Variants in ASAP1 observed in about 807,000 individuals in gnomAD.
ASAP1 encodes ArfGAP with SH3 domain, ankyrin repeat and PH domain 1, also known as arf-GAP with SH3 domain, ANK repeat and PH domain-containing protein 1.
ASAP1 carries 43 observed loss-of-function variants against 145.2 expected under a neutral mutation model. The observed-to-expected ratio is 0.30, with a 90% confidence interval of 0.23 to 0.38. ASAP1 has a LOEUF of 0.38. Among genes scored for constraint, ASAP1 ranks in the 10% least tolerant of loss-of-function variants. The pLI is 1.00. For synonymous variants in ASAP1, 546 were observed against 515.5 expected (o/e 1.06, Z -0.80); for missense variants, 1,018 against 1,355.3 (o/e 0.75, Z 3.91).
Position 130,128,022 on chromosome 8 carries a change from G to A in ASAP1, c.1286C>T (p.Ala429Val), listed in dbSNP as rs200661367. ...LTMAFRGEQSAGENSLEDLTK... is the reference protein window; with the variant it reads ...LTMAFRGEQSVGENSLEDLTK... ...CAGGTCTTCCAGGCTGTTCTCTCCC[G>A]CACTCTGCTCTCCACGGAAGGCCAT... Residue 429 changes from alanine (A) to valine (V), a missense_variant, in exon 16 of 30, where the codon GCG (alanine) becomes GTG (valine). Transcript: ENST00000518721. 110 of 1,613,656 alleles carry A rather than the reference G, an allele frequency of 6.8e-5. No homozygotes were observed. In the Middle Eastern group the frequency reaches 1.2e-3, roughly 17 times the overall value.
chr8:130,287,145 G>A (rs1375923053), intron 3 of ASAP1, among the ~76,000 whole-genome samples: 1 of 151,816 alleles, frequency 6.6e-6, no homozygotes, highest in Non-Finnish European at 1.5e-5. Context: ...GAACAAAGCT[G>A]ACTACATATC....
chr8:130,276,748 T>C (rs1403245105), intron 3 of ASAP1, among the ~76,000 whole-genome samples: 1 of 150,678 alleles, frequency 6.6e-6, no homozygotes, highest in African/African-American at 2.5e-5. Context: ...TCTCTCTCTC[T>C]CTCTCTCTCT....
chr8:130,128,319 G>C (rs981989824), intron 15 of ASAP1, among the ~76,000 whole-genome samples: 3 of 152,078 alleles, frequency 2.0e-5, no homozygotes, highest in Non-Finnish European at 4.4e-5. Flanking sequence ...GAAAATGAGA[G>C]AGAGGAGAGG....
At chr8:130,257,727 G>GT (rs1002329934) in intron 3 of ASAP1, among the ~76,000 whole-genome samples, 29 of 149,888 alleles carry the variant, frequency 1.9e-4, no homozygotes, top group African/African-American at 6.9e-4. Flanking sequence ...TTACATTTCT[G>GT]TTTTTTAAAA....
At chr8:130,085,273 G>A (rs1204757455) in intron 25 of ASAP1, among the ~76,000 whole-genome samples, 3 of 152,122 alleles carry the variant, frequency 2.0e-5, no homozygotes, top group South Asian at 2.1e-4. Context: ...GGTCAAATCC[G>A]TGGCCCACTT....
intron 3 of ASAP1, among the ~76,000 whole-genome samples, chr8:130,326,573 A>G (rs980871701): frequency 4.6e-5 from 7 of 152,234 alleles, no homozygotes; most frequent in Non-Finnish European, 8.8e-5. Context: ...CCCCTGAAAA[A>G]AGCTTAAACA....
intron 1 of ASAP1, among the ~76,000 whole-genome samples, chr8:130,418,670 C>T (rs956587275): frequency 1.3e-5 from 2 of 152,050 alleles, no homozygotes; most frequent in South Asian, 2.1e-4. Context: ...AGTCACTCCC[C>T]GTTCCACCCT....
intron 13 of ASAP1, among the ~76,000 whole-genome samples, chr8:130,149,018 T>G (rs1203358913): frequency 6.6e-6 from 1 of 150,524 alleles, no homozygotes; most frequent in Non-Finnish European, 1.5e-5. Flanking sequence ...TGCATTTTTT[T>G]TTTTTTTTTT....
At chr8:130,115,041 T>C (rs1201153804) in intron 23 of ASAP1, among the ~76,000 whole-genome samples, 1 of 152,228 alleles carries the variant, frequency 6.6e-6, no homozygotes, top group African/African-American at 2.4e-5. Context: ...ATTATAGGCA[T>C]GAGCCACCAT....
chr8:130,384,805 G>A (rs1827937326), intron 2 of ASAP1, among the ~76,000 whole-genome samples: 4 of 152,170 alleles, frequency 2.6e-5, no homozygotes, highest in African/African-American at 9.7e-5. Context: ...ACTCCCCATT[G>A]TCCTGTAATT....
intron 6 of ASAP1, among the ~76,000 whole-genome samples, chr8:130,187,643 T>G (rs1814829413): frequency 6.6e-6 from 1 of 152,122 alleles, no homozygotes; most frequent in Non-Finnish European, 1.5e-5. Context: ...GGTCTTGAAC[T>G]CCTGGGCTCA....
chr8:130,375,954 G>A (rs997299771), intron 2 of ASAP1, among the ~76,000 whole-genome samples: 11 of 152,174 alleles, frequency 7.2e-5, no homozygotes, highest in African/African-American at 2.7e-4. Flanking sequence ...GGAGTAGTGG[G>A]GAAGGCGGGG....
intron 24 of ASAP1, among the ~76,000 whole-genome samples, chr8:130,103,513 T>A (rs1168745800): frequency 7.4e-6 from 1 of 135,318 alleles, no homozygotes; most frequent in African/African-American, 2.5e-5. Flanking sequence ...TATTTTTTTA[T>A]TTTTTTTGAG....
intron 3 of ASAP1, among the ~76,000 whole-genome samples, chr8:130,288,293 A>G (rs1421952059): frequency 6.6e-6 from 1 of 151,354 alleles, no homozygotes; most frequent in African/African-American, 2.4e-5. Context: ...CCATTCCTCA[A>G]TTTGGGTCCC....
chr8:130,365,558 C>G (rs1015922459), intron 2 of ASAP1, among the ~76,000 whole-genome samples: 2 of 152,142 alleles, frequency 1.3e-5, no homozygotes, highest in Admixed American at 1.3e-4. Flanking sequence ...ACAATACACC[C>G]AGGTTTCTTT....
chr8:130,092,079 T>A lies in ASAP1; in HGVS notation c.2466A>T (p.Leu822=). ...STQTSSGSST[L]SKKRPPPPPP... is the part of the protein sequence containing the mutation. ...GTGGGGGAGGAGGCCTCTTCTTGGA[T>A]AGGGTGGAGCTGCCACTAGAGGTCT... Residue 822 remains leucine, a synonymous_variant, in exon 25 of 30, where the codon CTA becomes CTT. Transcript: ENST00000518721. The A allele has an allele frequency of 6.4e-7, 1 of 1,572,138 alleles. No individual in the cohort carries two copies.
intron 3 of ASAP1, among the ~76,000 whole-genome samples, chr8:130,257,869 C>T (rs1159774055): frequency 6.8e-6 from 1 of 146,590 alleles, no homozygotes; most frequent in Non-Finnish European, 1.5e-5. Context: ...TGCACTTGAA[C>T]CACAATATTC....
At chr8:130,180,707 A>G in intron 8 of ASAP1, 44 bp downstream of exon 8, 1 of 1,587,910 alleles carries the variant, frequency 6.3e-7, no homozygotes. Context: ...AAAAGATCAC[A>G]GTTGTTATAA....
chr8:130,117,365 G>C (rs924538397), intron 20 of ASAP1, among the ~76,000 whole-genome samples: 5 of 152,182 alleles, frequency 3.3e-5, no homozygotes. Flanking sequence ...TGGTGAAGCA[G>C]GGATATTTGA....
Sources: allele counts gnomAD v4.1 joint callset (sites outside exome capture counted in the v4.1 genomes callset), GRCh38; gene constraint gnomAD v4.1.1; transcripts MANE v1.5; gene names NCBI Gene and HGNC (gene_info 2026-07-23, HGNC 2026-07-21).